The following WDPCP variants were observed in gnomAD, a reference collection of about 807,000 sequenced individuals.
The protein encoded by WDPCP is WD repeat containing planar cell polarity effector.
In WDPCP, 71 loss-of-function variants were observed where a neutral mutation model predicts 93.1. The observed-to-expected ratio is 0.76, with a 90% confidence interval of 0.63 to 0.93. The LOEUF (loss-of-function observed/expected upper bound fraction) is 0.93, where lower values mean the gene tolerates loss of function less well. WDPCP is among the 40% of genes least tolerant of loss of function. WDPCP has a pLI of 0.00. For synonymous variants in WDPCP, 315 were observed against 315.0 expected, an observed-to-expected ratio of 1.00 and a Z score of 0.00; for missense variants, 844 against 887.4, an observed-to-expected ratio of 0.95 and a Z score of 0.62.
chr2:63,168,422 A>G (rs148011712), intron 15 of WDPCP, among the ~76,000 whole-genome samples: 1 of 152,194 alleles, frequency 6.6e-6, no homozygotes, highest in East Asian at 1.9e-4. Context: ...ATTTAGATGT[A>G]TGTCTTTCTT....
Position 63,757,267 on chromosome 2 carries a change from G to A in WDPCP, n.308+56355C>T, listed in dbSNP as rs538697009. Among the ~76,000 whole-genome samples, 24 of 152,244 alleles carry A rather than the reference G, an allele frequency of 1.6e-4. No individual in the cohort carries two copies. The South Asian group carries it at 4.6e-3, about 29-fold the overall frequency. On this transcript the variant is annotated intron_variant and non_coding_transcript_variant, in intron 2 of 4. Transcript: ENST00000467687. Reference sequence around the variant, plus strand: ...GGTAACATTCCTCAAACACAGGTAGGGGGCCCTCAAAAGTTGTTCCCAACA... The same window carrying A: ...GGTAACATTCCTCAAACACAGGTAGAGGGCCCTCAAAAGTTGTTCCCAACA...
chr2:63,475,089 C>CTAA lies in WDPCP; in HGVS notation c.384+9512_384+9514dup, dbSNP rs554937328. The stretch of plus-strand genomic sequence containing the variant: ...AAAGTGCTAAGCTGCCACATACTGG[C>CTAA]TAAGTTCAGTAGCCCCTACACAGTA... On this transcript the variant is annotated intron_variant, in intron 6 of 17. Coordinates refer to ENST00000272321, the MANE Select transcript of WDPCP (RefSeq NM_015910.7). Among the ~76,000 whole-genome samples the CTAA allele has an allele frequency of 2.2e-4, 33 of 152,070 alleles. No homozygotes were observed. The East Asian group carries it at 2.9e-3, about 13-fold the overall frequency.
chr2:63,497,111 CAAAAAAAAA>C (rs10667775), intron 1 of WDPCP, among the ~76,000 whole-genome samples: 2 of 72,482 alleles, frequency 2.8e-5, no homozygotes, highest in South Asian at 6.7e-4. Flanking sequence ...GACTCCATCT[CAAAAAAAAA>C]AAAAAAAAAA....
At chr2:63,341,665 T>C (rs896690042) in intron 12 of WDPCP, among the ~76,000 whole-genome samples, 4 of 152,204 alleles carry the variant, frequency 2.6e-5, no homozygotes, top group Non-Finnish European at 4.4e-5. Flanking sequence ...TGTATAACTT[T>C]CTATTCCCTT....
chr2:63,141,913 C>G (rs1320763402), intron 17 of WDPCP, among the ~76,000 whole-genome samples: 1 of 152,074 alleles, frequency 6.6e-6, no homozygotes, highest in Admixed American at 6.6e-5. Flanking sequence ...TTTTCTAGTT[C>G]ATGTGCCTAA....
chr2:63,783,924 A>C (rs1328438469), intron 2 of WDPCP, among the ~76,000 whole-genome samples: 1 of 152,206 alleles, frequency 6.6e-6, no homozygotes, highest in African/African-American at 2.4e-5. Flanking sequence ...TATACAAATC[A>C]AAAGAAAAAA....
intron 3 of WDPCP, among the ~76,000 whole-genome samples, chr2:63,615,300 C>T (rs1254548022): frequency 6.6e-6 from 1 of 152,198 alleles, no homozygotes; most frequent in Non-Finnish European, 1.5e-5. Context: ...TTACGACATA[C>T]TCATGGGGAG....
intron 12 of WDPCP, among the ~76,000 whole-genome samples, chr2:63,338,438 G>A (rs1688553154): frequency 6.6e-6 from 1 of 151,084 alleles, no homozygotes; most frequent in South Asian, 2.1e-4. Context: ...TGTAATTCCA[G>A]CTACTCCAGA....
intron 1 of WDPCP, among the ~76,000 whole-genome samples, chr2:63,534,037 C>T (rs1398481356): frequency 2.6e-5 from 4 of 152,050 alleles, no homozygotes; most frequent in Middle Eastern, 3.2e-3. Flanking sequence ...ATCTCACCAC[C>T]GATCCCACAG....
intron 2 of WDPCP, among the ~76,000 whole-genome samples, chr2:63,667,626 T>G (rs1289103385): frequency 1.3e-5 from 2 of 152,192 alleles, no homozygotes. Context: ...TTCCTTCTTC[T>G]TCTAGAGCTA....
chr2:63,275,976 C>G (rs889247135), intron 13 of WDPCP, among the ~76,000 whole-genome samples: 9 of 152,116 alleles, frequency 5.9e-5, no homozygotes, highest in African/African-American at 2.2e-4. Context: ...ACTTGATCAC[C>G]CTGCAGGCTC....
intron 9 of WDPCP, among the ~76,000 whole-genome samples, chr2:63,416,626 C>T (rs925104452): frequency 7.3e-5 from 11 of 150,212 alleles, no homozygotes; most frequent in African/African-American, 2.7e-4. Context: ...CTGGTTCAAA[C>T]GATTCTCATG....
chr2:63,555,515 C>T (rs1706040604), intron 1 of WDPCP, among the ~76,000 whole-genome samples: 1 of 152,206 alleles, frequency 6.6e-6, no homozygotes, highest in Non-Finnish European at 1.5e-5. Flanking sequence ...TTAAGTGGGT[C>T]CCGGATCCCG....
chr2:63,471,947 AATT>A (rs1450686412), intron 6 of WDPCP, among the ~76,000 whole-genome samples: 1 of 151,394 alleles, frequency 6.6e-6, no homozygotes, highest in African/African-American at 2.4e-5. Context: ...TTTTTTTTTT[AATT>A]ATTATTATAC....
chr2:63,306,316 GAGGAGCTGGTACCATTC>G (rs550781585), intron 13 of WDPCP, among the ~76,000 whole-genome samples: 69 of 152,304 alleles, frequency 4.5e-4, no homozygotes, highest in Admixed American at 1.4e-3. Context: ...GAGGTACAAA[GAGGAGCTGGTACCATTC>G]CTTCTGAAAC....
chr2:63,311,372 A>G (rs1183424695), intron 13 of WDPCP, among the ~76,000 whole-genome samples: 2 of 152,298 alleles, frequency 1.3e-5, no homozygotes, highest in Non-Finnish European at 1.5e-5. Flanking sequence ...TAAAAAAATA[A>G]ATCCTTTTAG....
At chr2:63,293,516 T>C (rs537923958) in intron 13 of WDPCP, among the ~76,000 whole-genome samples, 1 of 152,148 alleles carries the variant, frequency 6.6e-6, no homozygotes, top group African/African-American at 2.4e-5. Flanking sequence ...GTATGGCCTA[T>C]TTTAAGAGGA....
intron 14 of WDPCP, among the ~76,000 whole-genome samples, chr2:63,200,677 G>A (rs1003179647): frequency 3.3e-5 from 5 of 152,026 alleles, no homozygotes; most frequent in Non-Finnish European, 7.4e-5. Context: ...GGCTGGAAAG[G>A]GTAGTGGGGG....
Position 63,455,439 on chromosome 2 carries a change from T to TAC in WDPCP, c.385-15570_385-15569dup, listed in dbSNP as rs1038620390. 3.2e-3 allele frequency among the ~76,000 whole-genome samples: 361 copies of TAC among 112,234 alleles called. 1 individual carries two copies. Among genetic ancestry groups the TAC allele is most frequent in the East Asian group, 6.2e-3 (29 of 4,652 alleles). The allele number at this position is 112,234 out of a possible 152,430, so 73.6% of individuals were successfully genotyped here. ...ATATATATATATATATATATATATA[T>TAC]ACACACACACACACACACAGAAAGT... On this transcript the variant is annotated intron_variant, in intron 6 of 17. Transcript: ENST00000272321.
Sources: gnomAD v4.1 joint callset for allele counts (sites outside exome capture counted in the v4.1 genomes callset) on GRCh38, gnomAD v4.1.1 for gene constraint, MANE v1.5 for transcripts, NCBI Gene and HGNC (gene_info 2026-07-23, HGNC 2026-07-21) for gene names.